Variants in GPM6A observed in about 807,000 individuals in gnomAD.
GPM6A encodes the protein glycoprotein M6A, also known as neuronal membrane glycoprotein M6-a.
In GPM6A, 7 loss-of-function variants were observed where a neutral mutation model predicts 32.1. The ratio of observed to expected loss-of-function variants is 0.22; its 90% confidence interval spans 0.12 to 0.41. The LOEUF is 0.41. Among genes scored for constraint, GPM6A ranks in the 10% least tolerant of loss-of-function variants. The pLI is 1.00. For synonymous variants in GPM6A, 130 were observed against 123.4 expected (o/e 1.05, Z -0.35); for missense variants, 235 against 347.2 (o/e 0.68, Z 2.57).
At chr4:175,744,482 C>T (rs1732018203) in intron 1 of GPM6A, among the ~76,000 whole-genome samples, 3 of 151,912 alleles carry the variant, frequency 2.0e-5, no homozygotes, top group Non-Finnish European at 2.9e-5. Flanking sequence ...ATAAGATGGA[C>T]AATCAATATA....
chr4:175,826,554 T>C (rs1393960208), intron 1 of GPM6A, among the ~76,000 whole-genome samples: 2 of 152,146 alleles, frequency 1.3e-5, no homozygotes, highest in Non-Finnish European at 2.9e-5. Context: ...ATGCATAAAA[T>C]GAAAGATGGA....
chr4:175,876,267 A>C lies in GPM6A; in HGVS notation c.-22-64018T>G, dbSNP rs569651010. Among the ~76,000 whole-genome samples, 25 of 152,302 alleles carry C rather than the reference A, an allele frequency of 1.6e-4. No homozygotes were observed. The South Asian group carries it at 4.6e-3, about 28-fold the overall frequency. On this transcript the variant is annotated intron_variant, in intron 1 of 7. Transcript: ENST00000280187. ...GATGAGCAGTTTCATGAAGTAGCTC[A>C]TATTAGATTTCCAGAATACTGACCC...
At chr4:175,978,283 T>A (rs1322912702) in intron 1 of GPM6A, among the ~76,000 whole-genome samples, 1 of 152,102 alleles carries the variant, frequency 6.6e-6, no homozygotes, top group South Asian at 2.1e-4. Flanking sequence ...GAAGGGAGAC[T>A]TCCAAACACT....
At chr4:175,856,097 A>T (rs1182881948) in intron 1 of GPM6A, among the ~76,000 whole-genome samples, 1 of 152,244 alleles carries the variant, frequency 6.6e-6, no homozygotes, top group Non-Finnish European at 1.5e-5. Flanking sequence ...AAAAGGAAAG[A>T]TATATTGATA....
chr4:175,944,661 T>C (rs1322914464), intron 1 of GPM6A, among the ~76,000 whole-genome samples: 2 of 152,220 alleles, frequency 1.3e-5, no homozygotes, highest in Admixed American at 6.5e-5. Context: ...CATAGGGCTG[T>C]ATGAAGAAAA....
intron 1 of GPM6A, among the ~76,000 whole-genome samples, chr4:175,956,794 A>G (rs1740001620): frequency 6.6e-6 from 1 of 152,224 alleles, no homozygotes; most frequent in South Asian, 2.1e-4. Context: ...GTATTTTAAG[A>G]AAGAAAAATA....
intron 1 of GPM6A, among the ~76,000 whole-genome samples, chr4:175,878,685 G>C (rs74436274): frequency 6.6e-6 from 1 of 152,004 alleles, no homozygotes; most frequent in African/African-American, 2.4e-5. Flanking sequence ...TGCCTTGAAG[G>C]TTTCTGACAT....
intron 1 of GPM6A, among the ~76,000 whole-genome samples, chr4:175,733,668 C>A (rs1731529563): frequency 1.3e-5 from 2 of 152,014 alleles, no homozygotes; most frequent in African/African-American, 4.8e-5. Context: ...AACATGTGCT[C>A]TTTATTTTAT....
intron 1 of GPM6A, among the ~76,000 whole-genome samples, chr4:175,912,075 A>G (rs896336999): frequency 6.6e-6 from 1 of 152,190 alleles, no homozygotes; most frequent in Non-Finnish European, 1.5e-5. Context: ...GCAAAGGAAT[A>G]CAGAAAAGAG....
intron 1 of GPM6A, among the ~76,000 whole-genome samples, chr4:175,988,023 T>C (rs531214337): frequency 1.3e-5 from 2 of 152,268 alleles, no homozygotes; most frequent in Non-Finnish European, 2.9e-5. Flanking sequence ...ATAAATTATA[T>C]AGTAGTAGAA....
At chr4:175,735,470 G>A (rs947367629) in intron 1 of GPM6A, among the ~76,000 whole-genome samples, 2 of 151,984 alleles carry the variant, frequency 1.3e-5, no homozygotes, top group Non-Finnish European at 2.9e-5. Context: ...TGATATCACT[G>A]TAAAATTTTT....
intron 1 of GPM6A, among the ~76,000 whole-genome samples, chr4:175,734,156 A>AT (rs1293353203): frequency 7.3e-4 from 61 of 83,904 alleles, no homozygotes; most frequent in East Asian, 2.5e-3. Context: ...ATATATATAT[A>AT]TATATTTTTT....
At chr4:175,671,640 G>A (rs955163883) in intron 3 of GPM6A, among the ~76,000 whole-genome samples, 1 of 152,268 alleles carries the variant, frequency 6.6e-6, no homozygotes. Flanking sequence ...ATGGTTGGCA[G>A]AGGGGAAGGG....
At chr4:175,673,150 G>A (rs1049727885) in intron 3 of GPM6A, among the ~76,000 whole-genome samples, 2 of 152,104 alleles carry the variant, frequency 1.3e-5, no homozygotes, top group African/African-American at 4.8e-5. Context: ...TTAATAGATA[G>A]ATACGCATTG....
intron 1 of GPM6A, among the ~76,000 whole-genome samples, chr4:175,989,466 A>G (rs1741072902): frequency 6.6e-6 from 1 of 152,104 alleles, no homozygotes; most frequent in Non-Finnish European, 1.5e-5. Flanking sequence ...CAAGAAAGGG[A>G]TCTTTCTTCT....
rs930051359 is a variant in GPM6A, at chr4:175,633,905, A to G, written c.*1000T>C. The G allele has an allele frequency of 6.6e-6, 1 of 152,530 alleles. No homozygotes were observed. Among genetic ancestry groups the G allele is most frequent in the Non-Finnish European group, 1.5e-5 (1 of 67,958 alleles). The allele number at this position is 152,530 out of a possible 1,614,324, so 9.4% of individuals were successfully genotyped here. A position where few individuals can be genotyped will look rare whatever the true frequency, so the allele number is the denominator to read the frequency against. ...TAATGGAAGCCTTTTCAAATATATCATACACATTTTAGGAATAGTTTACAG... is the reference window on the plus strand; with the variant it reads ...TAATGGAAGCCTTTTCAAATATATCGTACACATTTTAGGAATAGTTTACAG... On this transcript the variant is annotated 3_prime_UTR_variant, in exon 7 of 7. Coordinates refer to ENST00000393658, the MANE Select transcript of GPM6A (RefSeq NM_201591.3).
At chr4:175,736,460 G>A (rs1295716353) in intron 1 of GPM6A, among the ~76,000 whole-genome samples, 2 of 152,192 alleles carry the variant, frequency 1.3e-5, no homozygotes, top group East Asian at 1.9e-4. Flanking sequence ...TTTTATCTTT[G>A]TGCACAAAAT....
chr4:175,834,654 A>C (rs1490897530), intron 1 of GPM6A, among the ~76,000 whole-genome samples: 3 of 152,162 alleles, frequency 2.0e-5, no homozygotes, highest in Non-Finnish European at 4.4e-5. Context: ...TAAAAAAAAA[A>C]CAACTGTTTA....
At chr4:175,761,355 G>T (rs1027740243) in intron 1 of GPM6A, among the ~76,000 whole-genome samples, 10 of 152,134 alleles carry the variant, frequency 6.6e-5, no homozygotes, top group African/African-American at 1.9e-4. Context: ...GCCTCCCAAA[G>T]TGCTGGGATT....
Sources: gnomAD v4.1 joint callset for allele counts (sites outside exome capture counted in the v4.1 genomes callset) on GRCh38, gnomAD v4.1.1 for gene constraint, MANE v1.5 for transcripts, NCBI Gene and HGNC (gene_info 2026-07-23, HGNC 2026-07-21) for gene names.